FHIT: variants seen among roughly 807,000 people sequenced by gnomAD.
FHIT encodes bis(5'-adenosyl)-triphosphatase.
FHIT carries 19 observed loss-of-function variants against 17.9 expected under a neutral mutation model. The ratio of observed to expected loss-of-function variants is 1.06; its 90% confidence interval spans 0.74 to 1.56. The LOEUF (loss-of-function observed/expected upper bound fraction) is 1.56. FHIT is among the 40% of genes most tolerant of loss of function. The pLI, the probability that FHIT is intolerant of heterozygous loss-of-function variation, is 0.00. For missense variants in FHIT, 248 were observed against 189.2 expected (o/e 1.31, Z -1.82); for synonymous variants, 81 against 69.7 (o/e 1.16, Z -0.81).
chr3:60,119,581 A>G (rs967238426), intron 5 of FHIT, among the ~76,000 whole-genome samples: 3 of 152,116 alleles, frequency 2.0e-5, no homozygotes, highest in Non-Finnish European at 2.9e-5. Flanking sequence ...AAGGTTTTCT[A>G]TGAATTAATT....
intron 8 of FHIT, among the ~76,000 whole-genome samples, chr3:59,789,658 C>A (rs1699467416): frequency 6.6e-6 from 1 of 152,100 alleles, no homozygotes; most frequent in Admixed American, 6.5e-5. Context: ...GCATTTATGT[C>A]TGAATTGTTT....
intron 3 of FHIT, among the ~76,000 whole-genome samples, chr3:61,006,447 T>C (rs909984034): frequency 6.6e-6 from 1 of 152,060 alleles, no homozygotes; most frequent in Non-Finnish European, 1.5e-5. Context: ...ATTTCACGAA[T>C]CCAAGGTGAG....
intron 7 of FHIT, among the ~76,000 whole-genome samples, chr3:59,931,075 T>G (rs544022153): frequency 1.3e-5 from 2 of 152,358 alleles, no homozygotes; most frequent in East Asian, 3.9e-4. Context: ...ATAAGACTTT[T>G]ATACCGATTA....
At chr3:59,921,398 G>A (rs991918563) in intron 8 of FHIT, among the ~76,000 whole-genome samples, 16 of 152,190 alleles carry the variant, frequency 1.1e-4, no homozygotes, top group African/African-American at 3.6e-4. Flanking sequence ...AAACAATCGA[G>A]ATAAACAATG....
At chr3:60,190,680 G>C (rs1052413535) in intron 5 of FHIT, among the ~76,000 whole-genome samples, 2 of 151,818 alleles carry the variant, frequency 1.3e-5, no homozygotes, top group African/African-American at 4.8e-5. Context: ...CGAGTTAATG[G>C]GTGCAGCACA....
At chr3:59,774,361 G>A (rs1180239479) in intron 8 of FHIT, among the ~76,000 whole-genome samples, 2 of 152,180 alleles carry the variant, frequency 1.3e-5, no homozygotes, top group East Asian at 3.8e-4. Context: ...GCAGACCCCA[G>A]TCAAGAACGT....
At chr3:60,519,607 C>A in intron 5 of FHIT, among the ~76,000 whole-genome samples, 1 of 151,794 alleles carries the variant, frequency 6.6e-6, no homozygotes, top group East Asian at 1.9e-4. Flanking sequence ...TTAAGAAAAC[C>A]ATAAGGAAGA....
At chr3:60,157,779 G>C (rs540266342) in intron 5 of FHIT, among the ~76,000 whole-genome samples, 7 of 152,294 alleles carry the variant, frequency 4.6e-5, no homozygotes, top group African/African-American at 1.7e-4. Context: ...GCAGCCACAG[G>C]AACTGGAAAC....
At chr3:60,473,066 A>G (rs1368164123) in intron 5 of FHIT, among the ~76,000 whole-genome samples, 3 of 152,214 alleles carry the variant, frequency 2.0e-5, no homozygotes, top group Non-Finnish European at 2.9e-5. Context: ...TTTAAAAAAA[A>G]GTTTGAAAAA....
At chr3:60,404,912 T>G (rs1701794921) in intron 5 of FHIT, among the ~76,000 whole-genome samples, 1 of 152,160 alleles carries the variant, frequency 6.6e-6, no homozygotes, top group Non-Finnish European at 1.5e-5. Flanking sequence ...GAATTCAGTT[T>G]CTGAACGATC....
chr3:60,151,444 G>A (rs1406104316), intron 5 of FHIT, among the ~76,000 whole-genome samples: 3 of 152,092 alleles, frequency 2.0e-5, no homozygotes, highest in Admixed American at 6.6e-5. Flanking sequence ...TTAGTCCCAT[G>A]CAATGTATTC....
chr3:60,558,670 C>T (rs370780136), intron 4 of FHIT, among the ~76,000 whole-genome samples: 12 of 152,116 alleles, frequency 7.9e-5, no homozygotes, highest in Non-Finnish European at 1.6e-4. Context: ...GTCTTCTATA[C>T]CAGGAAGGGC....
In FHIT at chr3:60,027,146, C is replaced by CAAA. The variant is rs397947401; in HGVS notation, c.104-12995_104-12994insTTT. Among the ~76,000 whole-genome samples the CAAA allele has an allele frequency of 1.4e-3, 169 of 122,894 alleles. 1 individual carries two copies. The highest frequency in any genetic ancestry group is 4.8e-3 in the African/African-American group (163 of 33,914). The allele number at this position is 122,894 out of a possible 152,430, so 80.6% of individuals were successfully genotyped here. A position where few individuals can be genotyped will look rare whatever the true frequency, so the allele number is the denominator to read the frequency against. ...ACACACACACACACACACACACACA[C>CAAA]ACAAAATTAGTAAACCCAATAATCC... On this transcript the variant is annotated intron_variant, in intron 5 of 9. Coordinates refer to ENST00000492590, the MANE Select transcript of FHIT (RefSeq NM_002012.4).
intron 5 of FHIT, among the ~76,000 whole-genome samples, chr3:60,303,091 A>C (rs1708515784): frequency 6.6e-6 from 1 of 152,168 alleles, no homozygotes; most frequent in Non-Finnish European, 1.5e-5. Flanking sequence ...AAATATTGTC[A>C]TCGAGACTGA....
chr3:59,828,022 A>G (rs1363746714), intron 8 of FHIT, among the ~76,000 whole-genome samples: 3 of 152,230 alleles, frequency 2.0e-5, no homozygotes, highest in East Asian at 1.9e-4. Flanking sequence ...AGAGACTTAT[A>G]TAAGAACCCT....
intron 5 of FHIT, among the ~76,000 whole-genome samples, chr3:60,217,889 G>A (rs1703772170): frequency 6.6e-6 from 1 of 152,064 alleles, no homozygotes; most frequent in Non-Finnish European, 1.5e-5. Flanking sequence ...TCTCTCATGG[G>A]ATCATGGAAT....
At chr3:60,403,316 A>T (rs1222293275) in intron 5 of FHIT, among the ~76,000 whole-genome samples, 1 of 152,160 alleles carries the variant, frequency 6.6e-6, no homozygotes, top group Non-Finnish European at 1.5e-5. Context: ...TTTCCTTTCA[A>T]CAGACCCTGA....
intron 2 of FHIT, among the ~76,000 whole-genome samples, chr3:61,055,362 G>A (rs1432540218): frequency 1.3e-5 from 2 of 152,066 alleles, no homozygotes; most frequent in Non-Finnish European, 2.9e-5. Flanking sequence ...TGCCTAATTA[G>A]GGTCTCGTCC....
At chr3:60,329,541 C>G (rs908671758) in intron 5 of FHIT, among the ~76,000 whole-genome samples, 7 of 152,222 alleles carry the variant, frequency 4.6e-5, no homozygotes, top group African/African-American at 1.7e-4. Flanking sequence ...GCAGACCCCT[C>G]TTTCTTTTTA....
Sources: allele counts gnomAD v4.1 joint callset (sites outside exome capture counted in the v4.1 genomes callset), GRCh38; gene constraint gnomAD v4.1.1; transcripts MANE v1.5; gene names NCBI Gene and HGNC (gene_info 2026-07-23, HGNC 2026-07-21).